GALNTL6: variants seen among roughly 807,000 people sequenced by gnomAD.
The protein encoded by GALNTL6 is polypeptide N-acetylgalactosaminyltransferase-like 6.
A neutral mutation model predicts 73.7 loss-of-function variants in GALNTL6; 46 were observed. The observed-to-expected ratio is 0.62, with a 90% CI of 0.49 to 0.80. The LOEUF is 0.80. GALNTL6 is among the 30% of genes least tolerant of loss of function. The pLI, the probability that GALNTL6 is intolerant of heterozygous loss-of-function variation, is 0.00. For synonymous variants in GALNTL6, 259 were observed against 263.7 expected (o/e 0.98, Z 0.17); for missense variants, 604 against 755.0 (o/e 0.80, Z 2.34).
chr4:172,816,354 A>G (rs778835109), intron 7 of GALNTL6, among the ~76,000 whole-genome samples: 4 of 152,230 alleles, frequency 2.6e-5, no homozygotes, highest in Non-Finnish European at 5.9e-5. Context: ...TTCAGTGACT[A>G]TTATAGCAGT....
At chr4:172,588,477 C>G (rs1737508513) in intron 5 of GALNTL6, among the ~76,000 whole-genome samples, 1 of 151,276 alleles carries the variant, frequency 6.6e-6, no homozygotes, top group South Asian at 2.1e-4. Flanking sequence ...ACCTGTTGCC[C>G]CAGCTACTTG....
At chr4:171,962,975 C>T (rs888851417) in intron 2 of GALNTL6, among the ~76,000 whole-genome samples, 2 of 151,462 alleles carry the variant, frequency 1.3e-5, no homozygotes, top group East Asian at 3.9e-4. Flanking sequence ...ACTATGTTGG[C>T]CAGGATGGTC....
intron 2 of GALNTL6, among the ~76,000 whole-genome samples, chr4:172,001,002 A>G (rs546884499): frequency 6.6e-6 from 1 of 152,266 alleles, no homozygotes; most frequent in African/African-American, 2.4e-5. Flanking sequence ...CCTGCTTGCC[A>G]TTACTCTCTG....
intron 5 of GALNTL6, among the ~76,000 whole-genome samples, chr4:172,644,944 A>G (rs1740169831): frequency 6.6e-6 from 1 of 152,018 alleles, no homozygotes; most frequent in Non-Finnish European, 1.5e-5. Flanking sequence ...TTTCATAATG[A>G]CTAATGATAT....
intron 3 of GALNTL6, among the ~76,000 whole-genome samples, chr4:172,261,236 G>T (rs1738247570): frequency 6.6e-6 from 1 of 150,820 alleles, no homozygotes; most frequent in African/African-American, 2.4e-5. Context: ...TCTGGTCCTG[G>T]TTTTTTTTGT....
At chr4:172,837,186 C>T (rs1176081380) in intron 7 of GALNTL6, among the ~76,000 whole-genome samples, 1 of 152,158 alleles carries the variant, frequency 6.6e-6, no homozygotes, top group African/African-American at 2.4e-5. Context: ...GGTTTTACCT[C>T]CCTAATTCTG....
intron 2 of GALNTL6, among the ~76,000 whole-genome samples, chr4:171,830,850 A>G (rs1579491234): frequency 6.6e-6 from 1 of 152,284 alleles, no homozygotes; most frequent in Admixed American, 6.5e-5. Flanking sequence ...TCTTTCTTCA[A>G]TTATGCAATT....
At chr4:172,316,452 AC>A (rs1740543652) in intron 4 of GALNTL6, among the ~76,000 whole-genome samples, 2 of 152,316 alleles carry the variant, frequency 1.3e-5, no homozygotes, top group Admixed American at 1.3e-4. Context: ...CACTAATATT[AC>A]CCAGGTAGAA....
intron 3 of GALNTL6, among the ~76,000 whole-genome samples, chr4:172,281,918 G>C (rs1019949140): frequency 2.0e-5 from 3 of 150,750 alleles, no homozygotes; most frequent in Admixed American, 1.3e-4. Context: ...ATCTTGTGTT[G>C]CTTTTTTTTT....
intron 5 of GALNTL6, among the ~76,000 whole-genome samples, chr4:172,545,004 G>T (rs1199968440): frequency 6.6e-6 from 1 of 152,184 alleles, no homozygotes; most frequent in Non-Finnish European, 1.5e-5. Context: ...TATAGTCACA[G>T]AGGGAAACTA....
chr4:172,671,489 A>G (rs1481039981), intron 5 of GALNTL6, among the ~76,000 whole-genome samples: 2 of 152,164 alleles, frequency 1.3e-5, no homozygotes, highest in African/African-American at 2.4e-5. Context: ...AGGAATGCCA[A>G]TAATTTTTGC....
intron 2 of GALNTL6, among the ~76,000 whole-genome samples, chr4:172,064,317 G>C (rs1388986974): frequency 6.6e-6 from 1 of 152,090 alleles, no homozygotes; most frequent in Non-Finnish European, 1.5e-5. Context: ...TTTGGCCTTT[G>C]GTGCCCATAC....
intron 2 of GALNTL6, among the ~76,000 whole-genome samples, chr4:172,224,424 T>C (rs1168884682): frequency 2.0e-5 from 3 of 152,228 alleles, no homozygotes; most frequent in Non-Finnish European, 4.4e-5. Context: ...ATATGGTTGA[T>C]TGTGACAATA....
chr4:172,005,481 A>T (rs181176486), intron 2 of GALNTL6, among the ~76,000 whole-genome samples: 1 of 152,126 alleles, frequency 6.6e-6, no homozygotes, highest in Non-Finnish European at 1.5e-5. Flanking sequence ...GGAAAAGAGT[A>T]AGAGAATAAA....
intron 2 of GALNTL6, among the ~76,000 whole-genome samples, chr4:171,866,492 C>T (rs1231268890): frequency 6.6e-6 from 1 of 152,204 alleles, no homozygotes; most frequent in Middle Eastern, 3.4e-3. Context: ...TCTTTTTTCT[C>T]TCTCTCTCTT....
chr4:172,097,547 C>T (rs530852122), intron 2 of GALNTL6, among the ~76,000 whole-genome samples: 1 of 152,258 alleles, frequency 6.6e-6, no homozygotes, highest in East Asian at 1.9e-4. Flanking sequence ...TCCCTCCCTC[C>T]CTTCCTTTCT....
chr4:172,839,446 C>A (rs990064781), intron 7 of GALNTL6, among the ~76,000 whole-genome samples: 1 of 152,162 alleles, frequency 6.6e-6, no homozygotes, highest in Admixed American at 6.5e-5. Flanking sequence ...CCTTAATGTT[C>A]CTAACAGTCT....
intron 12 of GALNTL6, among the ~76,000 whole-genome samples, chr4:173,028,475 T>C (rs1164090886): frequency 6.6e-6 from 1 of 152,212 alleles, no homozygotes; most frequent in Non-Finnish European, 1.5e-5. Context: ...TTTCCCCCTC[T>C]TTCTGTACTC....
At chr4:171,993,245 G>A (rs962900568) in intron 2 of GALNTL6, among the ~76,000 whole-genome samples, 1 of 151,996 alleles carries the variant, frequency 6.6e-6, no homozygotes, top group Non-Finnish European at 1.5e-5. Flanking sequence ...ATGTGCTATT[G>A]TGACAATACA....
Sources: allele counts gnomAD v4.1 joint callset (sites outside exome capture counted in the v4.1 genomes callset), GRCh38; gene constraint gnomAD v4.1.1; transcripts MANE v1.5; gene names NCBI Gene and HGNC (gene_info 2026-07-23, HGNC 2026-07-21).